NME7: variants seen among roughly 807,000 people sequenced by gnomAD.
NME7 encodes NME/NM23 family member 7, also known as nucleoside diphosphate kinase 7.
In NME7, 41 loss-of-function variants were observed where a neutral mutation model predicts 49.1. The observed-to-expected ratio is 0.83, with a 90% confidence interval of 0.65 to 1.08. The LOEUF is 1.08. Among genes scored for constraint, NME7 ranks in the 50% least tolerant of loss-of-function variants. NME7 has a pLI of 0.00. For missense variants in NME7, 423 were observed against 463.4 expected (o/e 0.91, Z 0.80); for synonymous variants, 139 against 150.6 (o/e 0.92, Z 0.56).
At position 169,156,154 on chromosome 1, in the gene NME7, C is replaced by CAAAAAAAAAAAAAAAA. The variant is rs71121729; in HGVS notation, c.1098+13292_1098+13293insTTTTTTTTTTTTTTTT. On this transcript the variant is annotated intron_variant, in intron 11 of 11. Transcript: ENST00000367811. ...GCAACACAGGGGGACCCTGTCTCTA[C>CAAAAAAAAAAAAAAAA]AAAAAAAAATTAGTGGGGCATGACG... is the stretch of plus-strand genomic sequence containing the variant. 1.1e-4 allele frequency among the ~76,000 whole-genome samples: 15 copies of CAAAAAAAAAAAAAAAA among 135,808 alleles called. 1 individual carries two copies. The highest frequency in any genetic ancestry group is 5.0e-4 in the East Asian group (2 of 3,978). 89.1% of individuals were successfully genotyped at this position (135,808 alleles called of 152,430 possible).
intron 11 of NME7, among the ~76,000 whole-genome samples, chr1:169,146,539 G>T (rs1459339091): frequency 6.6e-6 from 1 of 152,162 alleles, no homozygotes; most frequent in Non-Finnish European, 1.5e-5. Context: ...CTTCCCAGGG[G>T]TTAAATCAGA....
intron 3 of NME7, among the ~76,000 whole-genome samples, chr1:169,313,835 A>G (rs1294682318): frequency 1.3e-5 from 2 of 152,166 alleles, no homozygotes; most frequent in Non-Finnish European, 2.9e-5. Context: ...ACAAGCTACA[A>G]AACATTATCA....
chr1:169,346,572 C>T (rs767559502), intron 1 of NME7, among the ~76,000 whole-genome samples: 2 of 152,306 alleles, frequency 1.3e-5, no homozygotes, highest in South Asian at 2.1e-4. Flanking sequence ...ACTATCAGTA[C>T]CCCCAACATT....
chr1:169,279,882 G>C (rs1649930732), intron 7 of NME7, among the ~76,000 whole-genome samples: 1 of 152,198 alleles, frequency 6.6e-6, no homozygotes, highest in African/African-American at 2.4e-5. Context: ...ATTTGGCTTG[G>C]TTCCAAGTCT....
rs192775719 is a variant in NME7 at position 169,300,970 on chromosome 1, A to G, written c.440+2175T>C. On this transcript the variant is annotated intron_variant, in intron 5 of 11. Coordinates refer to ENST00000367811, the MANE Select transcript of NME7 (RefSeq NM_013330.5). ...TAAAGATTTAAAAGTAAGACCTCAA[A>G]CTATAAGAATCCTAGAAGAAAACCT... 3.9e-5 allele frequency among the ~76,000 whole-genome samples: 6 copies of G among 152,298 alleles called. 1 individual carries two copies. Among genetic ancestry groups the G allele is most frequent in the Admixed American group, 3.9e-4 (6 of 15,290 alleles).
intron 7 of NME7, among the ~76,000 whole-genome samples, chr1:169,267,988 G>C (rs1428202665): frequency 1.5e-5 from 2 of 133,596 alleles, no homozygotes; most frequent in African/African-American, 5.1e-5. Flanking sequence ...ACTATGAACA[G>C]AGTAAACAGA....
intron 7 of NME7, among the ~76,000 whole-genome samples, chr1:169,240,360 G>A (rs1173051761): frequency 6.6e-6 from 1 of 151,870 alleles, no homozygotes; most frequent in Non-Finnish European, 1.5e-5. Flanking sequence ...TTTAATAAAA[G>A]GCAGCTGGAC....
At chr1:169,299,051 T>A (rs2101907341) in intron 5 of NME7, among the ~76,000 whole-genome samples, 1 of 152,298 alleles carries the variant, frequency 6.6e-6, no homozygotes, top group Non-Finnish European at 1.5e-5. Flanking sequence ...ATGCATACTG[T>A]TGACCTATGC....
intron 1 of NME7, among the ~76,000 whole-genome samples, chr1:169,338,273 T>C (rs1312365760): frequency 6.6e-6 from 1 of 152,228 alleles, no homozygotes; most frequent in Non-Finnish European, 1.5e-5. Context: ...TGTTTTTTAA[T>C]GTTACTTCAA....
intron 10 of NME7, among the ~76,000 whole-genome samples, chr1:169,228,993 A>G (rs1039272158): frequency 6.6e-6 from 1 of 152,220 alleles, no homozygotes; most frequent in African/African-American, 2.4e-5. Flanking sequence ...TGATGTCATC[A>G]GGTCTGTCTC....
At chr1:169,211,180 A>G (rs1395516113) in intron 10 of NME7, among the ~76,000 whole-genome samples, 1 of 152,188 alleles carries the variant, frequency 6.6e-6, no homozygotes, top group Non-Finnish European at 1.5e-5. Flanking sequence ...ATGATGAAGT[A>G]ATATTTAAAA....
At chr1:169,333,668 C>T (rs1652351204) in intron 1 of NME7, among the ~76,000 whole-genome samples, 1 of 151,840 alleles carries the variant, frequency 6.6e-6, no homozygotes, top group Non-Finnish European at 1.5e-5. Flanking sequence ...AAGAAATTTG[C>T]CAAGATCACA....
At chr1:169,353,566 A>G (rs1483535921) in intron 1 of NME7, among the ~76,000 whole-genome samples, 1 of 152,092 alleles carries the variant, frequency 6.6e-6, no homozygotes, top group African/African-American at 2.4e-5. Flanking sequence ...CATCAAGTTA[A>G]AAAGCTTCTG....
At position 169,260,617 on chromosome 1, in the gene NME7, A is replaced by G. The variant is rs724048; in HGVS notation, c.755-22930T>C. ...AAAGCCTGAAAAGCAGAACCACAGCATGGTAGGAGGAAACTCTTGTCTTCC... is the reference window on the plus strand; with the variant it reads ...AAAGCCTGAAAAGCAGAACCACAGCGTGGTAGGAGGAAACTCTTGTCTTCC... On this transcript the variant is annotated intron_variant, in intron 7 of 11. Transcript: ENST00000367811. Among the ~76,000 whole-genome samples the G allele has an allele frequency of 0.07, 9,152 of 131,326 alleles. 2,706 individuals are homozygous for G. The East Asian group carries it at 0.75, about 11-fold the overall frequency. The allele number at this position is 131,326 out of a possible 152,430, so 86.2% of individuals were successfully genotyped here.
rs1231170226 is a variant in NME7 at position 169,289,533 on chromosome 1, T to TCCAAGTAGCCAGGATTCAAATCCAA, written c.649-2126_649-2125insTTGGATTTGAATCCTGGCTACTTGG. ...AAGCCAGGATTCAAATCCAAGTGAC[T>TCCAAGTAGCCAGGATTCAAATCCAA]GTAGCTCCAAAAACCATGTACTTTT... On this transcript the variant is annotated intron_variant, in intron 6 of 11. Coordinates refer to ENST00000367811, the MANE Select transcript of NME7 (RefSeq NM_013330.5). 1.3e-3 allele frequency among the ~76,000 whole-genome samples: 200 copies of TCCAAGTAGCCAGGATTCAAATCCAA among 152,278 alleles called. 1 individual carries two copies. The highest frequency in any genetic ancestry group is 4.4e-3 in the African/African-American group (184 of 41,584).
Position 169,230,825 on chromosome 1 carries a change from A to C in NME7, c.889-6T>G. ...TACATTTCTGTCACCATGTCCTATG[A>C]TATGTAATATAAAAGAATGAAAAGA... On this transcript the variant is annotated splice_polypyrimidine_tract_variant and splice_region_variant and intron_variant, in intron 9 of 11. Transcript: ENST00000367811. The C allele has an allele frequency of 6.5e-7, 1 of 1,536,032 alleles. No individual in the cohort carries two copies. Among genetic ancestry groups the C allele is most frequent in the Non-Finnish European group, 8.8e-7 (1 of 1,132,600 alleles).
At chr1:169,291,331 T>C (rs1258411691) in intron 6 of NME7, among the ~76,000 whole-genome samples, 1 of 151,970 alleles carries the variant, frequency 6.6e-6, no homozygotes, top group African/African-American at 2.4e-5. Flanking sequence ...TATGCAACCA[T>C]AAAAATGGAT....
At chr1:169,207,976 T>C (rs1660717812) in intron 10 of NME7, among the ~76,000 whole-genome samples, 2 of 152,148 alleles carry the variant, frequency 1.3e-5, no homozygotes, top group Admixed American at 1.3e-4. Context: ...TGGTCAGGAA[T>C]TTCTCCTTAT....
chr1:169,148,885 G>A lies in NME7; in HGVS notation c.1099-16068C>T, dbSNP rs1658831637. On this transcript the variant is annotated intron_variant, in intron 11 of 11. Transcript: ENST00000367811. ...TACTTGATATGTGGATCAAAGCCAT[G>A]TACCCATACATGTATTGTCCTTGGC... 2.0e-5 allele frequency among the ~76,000 whole-genome samples: 3 copies of A among 152,196 alleles called. No individual in the cohort carries two copies. The South Asian group carries it at 6.2e-4, about 31-fold the overall frequency.
Sources: allele counts gnomAD v4.1 joint callset (sites outside exome capture counted in the v4.1 genomes callset), GRCh38; gene constraint gnomAD v4.1.1; transcripts MANE v1.5; gene names NCBI Gene and HGNC (gene_info 2026-07-23, HGNC 2026-07-21).